The following BMERB1 variants were observed in gnomAD, a reference collection of about 807,000 sequenced individuals.
The protein encoded by BMERB1 is bMERB domain containing 1.
In BMERB1, 12 loss-of-function variants were observed where a neutral mutation model predicts 23.6. The observed-to-expected ratio is 0.51, with a 90% CI of 0.33 to 0.82. The LOEUF is 0.82. Among genes scored for constraint, BMERB1 ranks in the 40% least tolerant of loss-of-function variants. BMERB1 has a pLI of 0.03. For synonymous variants in BMERB1, 122 were observed against 96.6 expected, an observed-to-expected ratio of 1.26 and a Z score of -1.54; for missense variants, 247 against 255.4, an observed-to-expected ratio of 0.97 and a Z score of 0.22.
At chr16:15,464,649 T>G (rs143909876) in intron 1 of BMERB1, among the ~76,000 whole-genome samples, 9 of 152,316 alleles carry the variant, frequency 5.9e-5, no homozygotes, top group African/African-American at 2.2e-4. Context: ...TTAGACTATA[T>G]TGGGTAACTT....
chr16:15,447,177 A>G (rs919895986), intron 1 of BMERB1, among the ~76,000 whole-genome samples: 6 of 152,242 alleles, frequency 3.9e-5, no homozygotes, highest in Admixed American at 3.3e-4. Flanking sequence ...TAAAGATACT[A>G]CCTGAGACTG....
At chr16:15,455,153 G>A (rs1299298911) in intron 1 of BMERB1, among the ~76,000 whole-genome samples, 1 of 151,686 alleles carries the variant, frequency 6.6e-6, no homozygotes, top group Non-Finnish European at 1.5e-5. Context: ...TGGCAAAACC[G>A]TCTCTACTAA....
rs1598514133 is a variant in BMERB1 at position 15,550,979 on chromosome 16, G to A, written c.231-17004G>A. On this transcript the variant is annotated intron_variant, in intron 2 of 5. Coordinates refer to ENST00000300006, the MANE Select transcript of BMERB1 (RefSeq NM_033201.3). ...TTGGGAGTGGAGAGGGTGGATTTGG[G>A]GGAGAGGACGCCACACAGTGGCAGG... Among the ~76,000 whole-genome samples the A allele has an allele frequency of 3.9e-5, 6 of 152,324 alleles. 1 individual carries two copies. In the South Asian group the frequency reaches 1.2e-3, roughly 32 times the overall value.
chr16:15,498,620 GAA>G (rs1040015661), intron 1 of BMERB1, among the ~76,000 whole-genome samples: 5 of 150,596 alleles, frequency 3.3e-5, no homozygotes, highest in African/African-American at 1.2e-4. Context: ...AAGGAAAAAA[GAA>G]AGAGAAAGGA....
chr16:15,435,139 C>G (rs576531820), intron 1 of BMERB1, among the ~76,000 whole-genome samples: 4 of 152,246 alleles, frequency 2.6e-5, no homozygotes, highest in Admixed American at 1.3e-4. Flanking sequence ...GACGCGGGAC[C>G]GTCCTGGAAA....
chr16:15,490,065 C>T (rs565970611), intron 1 of BMERB1, among the ~76,000 whole-genome samples: 6 of 152,162 alleles, frequency 3.9e-5, no homozygotes, highest in Non-Finnish European at 7.4e-5. Context: ...GGAGTTTCAC[C>T]GTATGAGCCA....
rs561009725 is a variant in BMERB1, at chr16:15,447,760, C to T, written c.106+13001C>T. ...GATTTCTGGAGGCGTGCATGAGCTT[C>T]GCTGCATTGGAGGAGTTGTGAGATA... On this transcript the variant is annotated intron_variant, in intron 1 of 5. Coordinates refer to ENST00000300006, the MANE Select transcript of BMERB1 (RefSeq NM_033201.3). Among the ~76,000 whole-genome samples the T allele has an allele frequency of 5.3e-5, 8 of 152,064 alleles. No individual in the cohort carries two copies. The South Asian group carries it at 8.3e-4, about 16-fold the overall frequency.
chr16:15,581,425 C>G (rs1320720093), intron 4 of BMERB1, 94 bp downstream of exon 4: 6 of 1,026,110 alleles, frequency 5.8e-6, no homozygotes, highest in Middle Eastern at 3.0e-4. Flanking sequence ...GACTCACAGC[C>G]TTGCCTAACA....
rs552741950 is a variant in BMERB1, at chr16:15,437,702, C to T, written c.106+2943C>T. ...GGCCAGGCGCATTGGCTCACGCCTG[C>T]AATCCCAGCACTTTGGGAGGCCGAG... On this transcript the variant is annotated intron_variant, in intron 1 of 5. Coordinates refer to ENST00000300006, the MANE Select transcript of BMERB1 (RefSeq NM_033201.3). 1.5e-4 allele frequency among the ~76,000 whole-genome samples: 23 copies of T among 152,202 alleles called. No individual in the cohort carries two copies. The South Asian group carries it at 4.4e-3, about 29-fold the overall frequency.
chr16:15,449,895 T>A (rs2051027078), intron 1 of BMERB1, among the ~76,000 whole-genome samples: 1 of 151,678 alleles, frequency 6.6e-6, no homozygotes, highest in Non-Finnish European at 1.5e-5. Context: ...ATGGGCAAAT[T>A]TTTCTTTTTT....
chr16:15,467,327 G>C (rs1267592628), intron 1 of BMERB1, among the ~76,000 whole-genome samples: 3 of 152,188 alleles, frequency 2.0e-5, no homozygotes, highest in African/African-American at 7.2e-5. Context: ...AAGGGATTCA[G>C]TTTCTTCCCA....
At chr16:15,480,622 T>C (rs1227958000) in intron 1 of BMERB1, among the ~76,000 whole-genome samples, 1 of 133,962 alleles carries the variant, frequency 7.5e-6, no homozygotes, top group African/African-American at 2.8e-5. Context: ...TTTTTTTTTT[T>C]TTTTTTTTTG....
chr16:15,557,013 C>T lies in BMERB1; in HGVS notation c.231-10970C>T, dbSNP rs181181902. 9.2e-5 allele frequency among the ~76,000 whole-genome samples: 14 copies of T among 152,324 alleles called. No homozygotes were observed. The East Asian group carries it at 1.9e-3, about 21-fold the overall frequency. On this transcript the variant is annotated intron_variant, in intron 2 of 5. Transcript: ENST00000300006. ...TCTGAAAACCTACCTCTGCCTTTGT[C>T]GTGGTCTCTGCTGGGTTTCCATTAG...
chr16:15,446,925 CAAAG>C lies in BMERB1; in HGVS notation c.106+12171_106+12174del, dbSNP rs1309437670. 2.6e-5 allele frequency among the ~76,000 whole-genome samples: 4 copies of C among 152,140 alleles called. No individual in the cohort carries two copies. In the East Asian group the frequency reaches 7.7e-4, roughly 29 times the overall value. On this transcript the variant is annotated intron_variant, in intron 1 of 5. Transcript: ENST00000300006. ...TCTGTTTTGAAGACTTGTAGCTTCACAAAGAAAGGCTTTCTTTGAATGATCAAGA... is the reference window on the plus strand; with the variant it reads ...TCTGTTTTGAAGACTTGTAGCTTCACAAAGGCTTTCTTTGAATGATCAAGA...
At chr16:15,458,897 G>T (rs1372538820) in intron 1 of BMERB1, among the ~76,000 whole-genome samples, 1 of 152,086 alleles carries the variant, frequency 6.6e-6, no homozygotes, top group African/African-American at 2.4e-5. Context: ...ACGAGGTCAG[G>T]AGTTTGAGAC....
intron 1 of BMERB1, among the ~76,000 whole-genome samples, chr16:15,500,032 G>A (rs2051512673): frequency 6.6e-6 from 1 of 152,124 alleles, no homozygotes; most frequent in Admixed American, 6.5e-5. Context: ...ATTGAGTGAG[G>A]GGGGTAGAGG....
At chr16:15,509,637 C>A (rs1256561461) in intron 1 of BMERB1, among the ~76,000 whole-genome samples, 1 of 152,102 alleles carries the variant, frequency 6.6e-6, no homozygotes, top group Non-Finnish European at 1.5e-5. Context: ...GACCCCACTT[C>A]CCCCATGCAC....
intron 1 of BMERB1, among the ~76,000 whole-genome samples, chr16:15,468,106 T>A (rs1405760395): frequency 6.6e-6 from 1 of 151,146 alleles, no homozygotes; most frequent in Non-Finnish European, 1.5e-5. Context: ...TTTTACTTTT[T>A]CTTTTCTTTT....
intron 1 of BMERB1, among the ~76,000 whole-genome samples, chr16:15,446,447 A>G (rs995742580): frequency 3.9e-5 from 6 of 152,152 alleles, no homozygotes; most frequent in Non-Finnish European, 5.9e-5. Flanking sequence ...AGTTCTTCCT[A>G]TGAGCCACTG....
Sources: gnomAD v4.1 joint callset for allele counts (sites outside exome capture counted in the v4.1 genomes callset) on GRCh38, gnomAD v4.1.1 for gene constraint, MANE v1.5 for transcripts, NCBI Gene and HGNC (gene_info 2026-07-23, HGNC 2026-07-21) for gene names.